Variants in SPATS2L observed in about 807,000 individuals in gnomAD.
SPATS2L encodes SPATS2-like protein.
Under a neutral mutation model 59.6 loss-of-function variants are expected in SPATS2L, and 30 were observed. The ratio of observed to expected loss-of-function variants is 0.50; its 90% CI spans 0.38 to 0.68. SPATS2L has a LOEUF of 0.68. SPATS2L is among the 30% of genes least tolerant of loss of function. The probability of loss-of-function intolerance (pLI) is 0.00; values close to 1 mark genes in which losing one functional copy is unlikely to be tolerated. For synonymous variants in SPATS2L, 252 were observed against 263.5 expected (o/e 0.96, Z 0.42); for missense variants, 615 against 700.0 (o/e 0.88, Z 1.37).
upstream of SPATS2L, chr2:200,306,223 A>T: frequency 1.0e-6 from 1 of 1,002,210 alleles, no homozygotes; most frequent in African/African-American, 1.7e-5. Flanking sequence ...AGAAAGCATT[A>T]CTACCTTCTA....
At chr2:200,358,678 G>T (rs527458979) in intron 2 of SPATS2L, among the ~76,000 whole-genome samples, 1 of 151,468 alleles carries the variant, frequency 6.6e-6, no homozygotes. Flanking sequence ...TGAAAATTTG[G>T]TCCATCTTCC....
chr2:200,408,275 T>G (rs1201416205), intron 3 of SPATS2L, among the ~76,000 whole-genome samples: 1 of 152,014 alleles, frequency 6.6e-6, no homozygotes, highest in African/African-American at 2.4e-5. Flanking sequence ...TCAGAGACAT[T>G]TAGAAAGCAA....
At chr2:200,335,946 T>G (rs2080128305) in intron 2 of SPATS2L, among the ~76,000 whole-genome samples, 1 of 152,192 alleles carries the variant, frequency 6.6e-6, no homozygotes, top group Non-Finnish European at 1.5e-5. Flanking sequence ...CTCAGGGGCT[T>G]CCTAGTGGCT....
intron 3 of SPATS2L, among the ~76,000 whole-genome samples, chr2:200,409,498 C>G (rs2082801972): frequency 6.6e-6 from 1 of 152,098 alleles, no homozygotes. Context: ...AAAGACATTT[C>G]CATAGGAAAA....
intron 2 of SPATS2L, among the ~76,000 whole-genome samples, chr2:200,374,903 C>T (rs532798353): frequency 4.7e-4 from 71 of 152,234 alleles, no homozygotes; most frequent in African/African-American, 1.7e-3. Context: ...ATTATTTGAG[C>T]CACTGTACTA....
intron 2 of SPATS2L, chr2:200,372,076 T>A: frequency 1.0e-6 from 1 of 985,448 alleles, no homozygotes; most frequent in Non-Finnish European, 1.2e-6. Flanking sequence ...AGGTATCAGC[T>A]GGACTTGACT....
intron 1 of SPATS2L, among the ~76,000 whole-genome samples, chr2:200,319,012 G>A (rs2079471314): frequency 6.6e-6 from 1 of 152,200 alleles, no homozygotes; most frequent in Non-Finnish European, 1.5e-5. Context: ...ACAGATATTT[G>A]TAAAACCTCT....
intron 6 of SPATS2L, among the ~76,000 whole-genome samples, chr2:200,426,572 T>A (rs952573810): frequency 9.2e-5 from 14 of 151,774 alleles, no homozygotes; most frequent in African/African-American, 3.4e-4. Flanking sequence ...TAAAAAAACT[T>A]AAAAATTAGC....
At chr2:200,416,273 C>CA (rs5837739) in intron 4 of SPATS2L, 106 bp from the exon 5 acceptor site, 12,201 of 331,046 alleles carry the variant, frequency 0.037, 127 homozygotes, top group East Asian at 0.1. Flanking sequence ...ATGAAAAAGC[C>CA]AAAAAAAAAA....
At chr2:200,401,553 A>T (rs1159770587) in intron 3 of SPATS2L, among the ~76,000 whole-genome samples, 1 of 152,300 alleles carries the variant, frequency 6.6e-6, no homozygotes, top group East Asian at 1.9e-4. Flanking sequence ...CAGGTAAATG[A>T]GTTGACAGGT....
At chr2:200,473,819 G>T (rs1300163241) in intron 12 of SPATS2L, among the ~76,000 whole-genome samples, 1 of 152,070 alleles carries the variant, frequency 6.6e-6, no homozygotes, top group Non-Finnish European at 1.5e-5. Flanking sequence ...GACCAACATG[G>T]TGAAACCCTG....
In SPATS2L at chr2:200,469,646, T is replaced by C. The variant is rs796087811; in HGVS notation, c.958-268T>C. The C allele has an allele frequency of 1.3e-4, 48 of 365,240 alleles. 1 individual carries two copies. The highest frequency in any genetic ancestry group is 9.9e-4 in the African/African-American group (48 of 48,724). 22.6% of individuals were successfully genotyped at this position (365,240 alleles called of 1,614,324 possible). On this transcript the variant is annotated intron_variant, in intron 10 of 12. Transcript: ENST00000409140. ...TAGGAGGGCGAGGGGTGCTAAAAGG[T>C]TAAATAGATGAGTCAGACACACATT...
chr2:200,321,240 A>G (rs2079551057), intron 1 of SPATS2L, among the ~76,000 whole-genome samples: 3 of 152,166 alleles, frequency 2.0e-5, no homozygotes, highest in African/African-American at 4.8e-5. Flanking sequence ...TCAGCATGAC[A>G]TAGTCGGTAA....
intron 2 of SPATS2L, among the ~76,000 whole-genome samples, chr2:200,332,999 G>A (rs1353532395): frequency 1.3e-5 from 2 of 152,110 alleles, no homozygotes; most frequent in African/African-American, 4.8e-5. Context: ...GACAGATATG[G>A]CCTGGGTTTG....
At chr2:200,314,591 T>G (rs764174233) in intron 1 of SPATS2L, among the ~76,000 whole-genome samples, 3 of 152,218 alleles carry the variant, frequency 2.0e-5, no homozygotes, top group Non-Finnish European at 4.4e-5. Context: ...TTCTTTGTGA[T>G]CTGGGCCTTC....
At chr2:200,306,297 GAGA>G (rs1210464741), upstream of SPATS2L, 12 of 1,002,272 alleles carry the variant, frequency 1.2e-5, 1 homozygote, top group African/African-American at 1.7e-5. Context: ...TCTCGGGTAG[GAGA>G]AGATGATTCT....
chr2:200,383,627 G>T (rs1360709929), intron 2 of SPATS2L, among the ~76,000 whole-genome samples: 1 of 152,136 alleles, frequency 6.6e-6, no homozygotes, highest in Non-Finnish European at 1.5e-5. Flanking sequence ...AGTCGATCCA[G>T]TCTCTACCAA....
chr2:200,477,894 G>A lies in SPATS2L; in HGVS notation c.1540G>A (p.Ala514Thr), dbSNP rs763044616. The change falls in exon 13 of 13, where the codon GCT (alanine) becomes ACT (threonine). Residue 514 changes from alanine to threonine, a missense_variant. By Grantham distance (58) the Ala-to-Thr change is moderately conservative. Around this residue, in one of 3 missense-constraint regions of SPATS2L, gnomAD observed 284 missense variants for 280.1 expected, o/e 1.01. Transcript: ENST00000409140. ...TGAAAAGCCCCGGCGAAGGCAGCAC[G>A]CTGCAGACACCTCGGAGGCCAGGCC... ...HSEKPRRRQH[A>T]ADTSEARPFR... 3.0e-5 allele frequency: 49 copies of A among 1,610,892 alleles called. No homozygotes were observed. The highest frequency in any genetic ancestry group is 4.0e-5 in the African/African-American group (3 of 74,880).
intron 2 of SPATS2L, among the ~76,000 whole-genome samples, chr2:200,335,939 A>G: frequency 6.6e-6 from 1 of 152,238 alleles, no homozygotes; most frequent in East Asian, 1.9e-4. Context: ...TGCCCAGCTC[A>G]GGGGCTTCCT....
Sources: gnomAD v4.1 joint callset for allele counts (sites outside exome capture counted in the v4.1 genomes callset) on GRCh38, gnomAD v4.1.1 for gene constraint, gnomAD v4.1.1 regional missense constraint, MANE v1.5 for transcripts, NCBI Gene and HGNC (gene_info 2026-07-23, HGNC 2026-07-21) for gene names.